Variants in LTF observed in about 807,000 individuals in gnomAD.
LTF encodes epididymis luminal protein 110.
Under a neutral mutation model 87.2 loss-of-function variants are expected in LTF, and 91 were observed. That is an observed-to-expected ratio of 1.04 (90% CI 0.88 to 1.24). LTF has a LOEUF of 1.24. Ranked by LOEUF, LTF falls within the 50% of genes most tolerant of loss-of-function variation. The pLI is 0.00. For synonymous variants in LTF, 378 were observed against 356.1 expected (o/e 1.06, Z -0.69); for missense variants, 901 against 904.3 (o/e 1.00, Z 0.05).
At chr3:46,441,378 C>T in intron 14 of LTF, 38 bp downstream of exon 14, 1 of 1,548,738 alleles carries the variant, frequency 6.5e-7, no homozygotes, top group Non-Finnish European at 8.9e-7. Flanking sequence ...ATGCCAAAGA[C>T]TCTGCTTTGA....
intron 2 of LTF, among the ~76,000 whole-genome samples, chr3:46,458,003 C>T (rs1702982049): frequency 6.6e-6 from 1 of 151,276 alleles, no homozygotes; most frequent in African/African-American, 2.4e-5. Context: ...CCAGGATGGT[C>T]TTGATCTCCT....
intron 1 of LTF, among the ~76,000 whole-genome samples, chr3:46,474,760 T>A (rs2106922047): frequency 6.6e-6 from 1 of 152,238 alleles, no homozygotes; most frequent in Non-Finnish European, 1.5e-5. Context: ...TATTCTTTGA[T>A]CACAATAAAA....
At chr3:46,463,554 A>G in intron 1 of LTF, 1 of 985,528 alleles carries the variant, frequency 1.0e-6, no homozygotes, top group Non-Finnish European at 1.2e-6. Flanking sequence ...TTGGGGTACA[A>G]GCCACCATCC....
At chr3:46,450,752 C>G (rs1464994398) in intron 6 of LTF, 79 bp from the exon 7 acceptor site, 1 of 1,266,650 alleles carries the variant, frequency 7.9e-7, no homozygotes. Context: ...CCCCTTCTCC[C>G]TATAGAATTT....
rs1251708525 is a variant in LTF at position 46,439,433 on chromosome 3, C to T, written c.1771G>A (p.Ala591Thr). The T allele has an allele frequency of 1.2e-6, 2 of 1,613,846 alleles. No individual in the cohort carries two copies. The highest frequency in any genetic ancestry group is 2.7e-5 in the African/African-American group (2 of 74,920). ...WAKDLKLADF[A>T]LLCLDGKRKP... ...CGTTTGCCATCGAGGCACAGCAGCG[C>T]AAAGTCTGCCAGCTTCAAATCCTTA... The change falls in exon 15 of 17, where the codon GCG becomes ACG. Residue 591 changes from alanine (A) to threonine (T), a missense_variant. Transcript: ENST00000231751.
At chr3:46,457,672 G>A (rs571919184) in intron 2 of LTF, among the ~76,000 whole-genome samples, 1 of 152,216 alleles carries the variant, frequency 6.6e-6, no homozygotes, top group Non-Finnish European at 1.5e-5. Context: ...GGTCTGATTA[G>A]TAAGGGGAAC....
At position 46,441,192 on chromosome 3, in the gene LTF, T is replaced by TGTGTGTGA. The variant is rs1553661489; in HGVS notation, c.1723+223_1723+224insTCACACAC. ...GTGAGAGTGAGTGTGTGTGTGTGTGTGAGAGAAAGAGAGAGAGTGTGTGTG... is the reference window on the plus strand; with the variant it reads ...GTGAGAGTGAGTGTGTGTGTGTGTGTGTGTGTGAGAGAGAAAGAGAGAGAGTGTGTGTG... On this transcript the variant is annotated intron_variant, in intron 14 of 16. Coordinates refer to ENST00000231751, the MANE Select transcript of LTF (RefSeq NM_002343.6). 2.6e-5 allele frequency among the ~76,000 whole-genome samples: 4 copies of TGTGTGTGA among 151,794 alleles called. No homozygotes were observed. In the South Asian group the frequency reaches 6.3e-4, roughly 24 times the overall value.
rs1702424552 is a variant in LTF at position 46,437,972 on chromosome 3, C to T, written c.2066G>A (p.Gly689Asp). ...EKYLGPQYVA[G>D]ITNLKKCSTS... ...TGAGCACTTTTTCAGATTAGTAATG[C>T]CTGCGACATACTGTGGTCCCAAATA... Residue 689 changes from glycine to aspartate, a missense_variant, in exon 16 of 17, where the codon GGC becomes GAC. By Grantham distance (94) the Gly-to-Asp change is moderately conservative (BLOSUM62 -1). Coordinates refer to ENST00000231751, the MANE Select transcript of LTF (RefSeq NM_002343.6). 6.2e-7 allele frequency: 1 copy of T among 1,613,908 alleles called. No homozygotes were observed. Among genetic ancestry groups the T allele is most frequent in the African/African-American group, 1.3e-5 (1 of 74,950 alleles).
chr3:46,456,911 A>G (rs1439273491), intron 2 of LTF, among the ~76,000 whole-genome samples: 1 of 152,134 alleles, frequency 6.6e-6, no homozygotes, highest in Admixed American at 6.6e-5. Flanking sequence ...AGTTTCAGGG[A>G]ATGTAATTTT....
At position 46,442,631 on chromosome 3, in the gene LTF, A is replaced by AT. The variant is rs1005110914; in HGVS notation, c.1655+809dup. On this transcript the variant is annotated intron_variant, in intron 13 of 16. Coordinates refer to ENST00000231751, the MANE Select transcript of LTF (RefSeq NM_002343.6). ...AGATATTTTTATACATTCACAAAAC[A>AT]TTTTTTTTTGTTTTGGGTCTTTTTT... is the stretch of plus-strand genomic sequence containing the variant. Among the ~76,000 whole-genome samples the AT allele has an allele frequency of 8.9e-4, 135 of 151,278 alleles. 2 individuals carry two copies. The East Asian group carries it at 0.015, about 17-fold the overall frequency.
intron 1 of LTF, among the ~76,000 whole-genome samples, chr3:46,472,751 A>G (rs1575327514): frequency 6.6e-6 from 1 of 152,116 alleles, no homozygotes; most frequent in East Asian, 1.9e-4. Context: ...GGTCCAGGAG[A>G]GCAATGCCTC....
chr3:46,445,561 T>G (rs2106848640), intron 11 of LTF, 125 bp from the exon 12 acceptor site: 1 of 748,940 alleles, frequency 1.3e-6, no homozygotes, highest in Non-Finnish European at 2.2e-6. Flanking sequence ...AATGATTCCC[T>G]CAAAGAACTG....
At chr3:46,457,501 C>A (rs554410143) in intron 2 of LTF, among the ~76,000 whole-genome samples, 1 of 152,292 alleles carries the variant, frequency 6.6e-6, no homozygotes, top group East Asian at 1.9e-4. Flanking sequence ...CCCCTGTGAC[C>A]CGGGCTGCCG....
intron 1 of LTF, among the ~76,000 whole-genome samples, chr3:46,463,988 A>C (rs543412164): frequency 6.6e-6 from 1 of 152,200 alleles, no homozygotes; most frequent in South Asian, 2.1e-4. Flanking sequence ...TGGAGGCTGC[A>C]CTGGGCTGGG....
Position 46,455,336 on chromosome 3 carries a change from G to A in LTF, c.606C>T (p.Phe202=). The change falls in exon 5 of 17, where the codon TTC becomes TTT. Residue 202 remains phenylalanine (F), a synonymous_variant. Transcript: ENST00000231751. ...CAGTGENKCA[F]SSQEPYFSYS... is the part of the protein sequence containing the mutation. ...AGCTGAAGTACGGTTCCTGGGAGGA[G>A]AAGGCACATTTGTTTTCCCCTGTCC... The A allele has an allele frequency of 1.2e-6, 2 of 1,614,252 alleles. No homozygotes were observed. Among genetic ancestry groups the A allele is most frequent in the South Asian group, 2.2e-5 (2 of 91,088 alleles).
In LTF at chr3:46,446,488, G is replaced by A. The variant is rs761670364; in HGVS notation, c.1309C>T (p.Gln437Ter). The change falls in exon 11 of 17, where the codon CAA becomes TAA. Residue 437 changes from glutamine (Q) to a stop codon, truncating the protein, a stop_gained. Transcript: ENST00000231751. LOFTEE classifies it high-confidence loss of function. Reference sequence around the variant, plus strand: ...TTAGGATCAGGGTCACTGCTTTGTTGGGATTCTGAAAGAATAAAGACAAGC... The same window carrying A: ...TTAGGATCAGGGTCACTGCTTTGTTAGGATTCTGAAAGAATAAAGACAAGC... Reference protein sequence around the residue: ...VPVLAENYKSQQSSDPDPNCV... With the variant: ...VPVLAENYKS 2 of 1,613,432 alleles carry A rather than the reference G, an allele frequency of 1.2e-6. No individual in the cohort carries two copies. The highest frequency in any genetic ancestry group is 1.7e-6 in the Non-Finnish European group (2 of 1,179,626).
In LTF at chr3:46,447,376, C is replaced by T. The variant is rs1366145050; in HGVS notation, c.1235G>A (p.Ser412Asn). 12 of 1,614,152 alleles carry T rather than the reference C, an allele frequency of 7.4e-6. No individual in the cohort carries two copies. The highest frequency in any genetic ancestry group is 1.1e-5 in the South Asian group (1 of 91,082). The part of the protein sequence containing the change: ...LVLKGEADAM[S>N]LDGGYVYTAG... ...AGTGTACACATATCCTCCATCCAAA[C>T]TCATGGCATCAGCTTCTCCTTTCTG... The change falls in exon 10 of 17, where the codon AGT (serine) becomes AAT (asparagine). Residue 412 changes from serine (S) to asparagine (N), a missense_variant. Ser to Asn is a conservative substitution (Grantham distance 46, BLOSUM62 1). Transcript: ENST00000231751.
At chr3:46,457,662 G>A (rs1702970491) in intron 2 of LTF, among the ~76,000 whole-genome samples, 1 of 152,126 alleles carries the variant, frequency 6.6e-6, no homozygotes, top group Admixed American at 6.5e-5. Flanking sequence ...AAATCGCTCA[G>A]GTCTGATTAG....
At chr3:46,441,626 C>G (rs1018396223) in intron 13 of LTF, 143 bp from the exon 14 acceptor site, 10 of 649,134 alleles carry the variant, frequency 1.5e-5, no homozygotes, top group East Asian at 5.6e-5. Context: ...TTACTGTTTA[C>G]AGCGGCAGAT....
Sources: gnomAD v4.1 joint callset for allele counts (sites outside exome capture counted in the v4.1 genomes callset) on GRCh38, gnomAD v4.1.1 for gene constraint, MANE v1.5 for transcripts, NCBI Gene and HGNC (gene_info 2026-07-23, HGNC 2026-07-21) for gene names.